MTAP: variants seen among roughly 807,000 people sequenced by gnomAD.
MTAP encodes the protein S-methyl-5'-thioadenosine phosphorylase.
In MTAP, 33 loss-of-function variants were observed where a neutral mutation model predicts 33.6. That is an observed-to-expected ratio of 0.98 (90% CI 0.74 to 1.31). The LOEUF is 1.31. Among genes scored for constraint, MTAP ranks in the 40% most tolerant of loss-of-function variants. The probability of loss-of-function intolerance (pLI) is 0.00; values close to 1 mark genes in which losing one functional copy is unlikely to be tolerated. For synonymous variants in MTAP, 148 were observed against 125.7 expected (o/e 1.18, Z -1.19); for missense variants, 367 against 360.0 (o/e 1.02, Z -0.16).
At chr9:21,809,223 A>C (rs1824283653) in intron 1 of MTAP, among the ~76,000 whole-genome samples, 1 of 151,968 alleles carries the variant, frequency 6.6e-6, no homozygotes, top group African/African-American at 2.4e-5. Flanking sequence ...TCCCCATCTC[A>C]AGATCCTGGA....
At chr9:21,850,911 C>G (rs781214183) in intron 5 of MTAP, among the ~76,000 whole-genome samples, 4 of 152,208 alleles carry the variant, frequency 2.6e-5, no homozygotes, top group African/African-American at 9.7e-5. Flanking sequence ...TCCTTGCCAC[C>G]TGGACACTTT....
At chr9:21,908,532 C>T (rs1313934198) in intron 1 of MTAP, among the ~76,000 whole-genome samples, 1 of 152,118 alleles carries the variant, frequency 6.6e-6, no homozygotes, top group East Asian at 1.9e-4. Flanking sequence ...CAAGCTCCAA[C>T]TTCATATCAT....
intron 1 of MTAP, among the ~76,000 whole-genome samples, chr9:21,913,438 C>G (rs1006293603): frequency 6.6e-6 from 1 of 152,180 alleles, no homozygotes; most frequent in Non-Finnish European, 1.5e-5. Flanking sequence ...GAGATATAGA[C>G]CAATGGAACA....
At chr9:21,920,606 G>A (rs1054719129) in intron 1 of MTAP, among the ~76,000 whole-genome samples, 2 of 152,060 alleles carry the variant, frequency 1.3e-5, no homozygotes, top group African/African-American at 4.8e-5. Context: ...GGGGCTATTG[G>A]GAAACAATTC....
intron 4 of MTAP, among the ~76,000 whole-genome samples, chr9:21,824,904 C>CGTGGG (rs1412590428): frequency 9.3e-4 from 141 of 152,296 alleles, no homozygotes; most frequent in African/African-American, 3.2e-3. Context: ...CCGAGCTATG[C>CGTGGG]ACGGGATATA....
At chr9:21,805,509 A>G (rs963923378) in intron 1 of MTAP, among the ~76,000 whole-genome samples, 2 of 151,966 alleles carry the variant, frequency 1.3e-5, no homozygotes, top group African/African-American at 4.8e-5. Context: ...GTCAGAAAAG[A>G]CTCCTAGGGA....
chr9:21,836,063 C>T (rs1002608906), intron 4 of MTAP, among the ~76,000 whole-genome samples: 10 of 152,158 alleles, frequency 6.6e-5, no homozygotes, highest in East Asian at 3.9e-4. Context: ...CATCTGGTGC[C>T]GACTCCAATT....
At chr9:21,816,883 C>G in intron 3 of MTAP, 111 bp downstream of exon 3, 2 of 863,470 alleles carry the variant, frequency 2.3e-6, no homozygotes, top group East Asian at 2.6e-5. Context: ...TTGGCAGAAT[C>G]AGAACATCTT....
chr9:21,803,161 G>A, intron 1 of MTAP: 1 of 410,842 alleles, frequency 2.4e-6, no homozygotes, highest in Non-Finnish European at 4.2e-6. Flanking sequence ...CTTCTTCCAA[G>A]AAAGACACCC....
intron 1 of MTAP, among the ~76,000 whole-genome samples, chr9:21,907,479 C>A (rs1189551446): frequency 3.9e-5 from 6 of 152,160 alleles, no homozygotes; most frequent in Non-Finnish European, 7.3e-5. Flanking sequence ...ATGGCTTGAG[C>A]CTGGGAGGCT....
intron 1 of MTAP, among the ~76,000 whole-genome samples, chr9:21,874,694 C>CT (rs10713371): frequency 1.1e-3 from 148 of 139,730 alleles, no homozygotes; most frequent in Middle Eastern, 3.9e-3. Context: ...AATCATTTTT[C>CT]TTTTTTTTTT....
chr9:21,897,809 C>A (rs1057482478), intron 1 of MTAP, among the ~76,000 whole-genome samples: 14 of 152,074 alleles, frequency 9.2e-5, no homozygotes, highest in Non-Finnish European at 1.8e-4. Context: ...ATACTGCCCA[C>A]AGTAATTTAT....
intron 4 of MTAP, among the ~76,000 whole-genome samples, chr9:21,826,311 C>A (rs1050369829): frequency 6.6e-6 from 1 of 151,600 alleles, no homozygotes; most frequent in African/African-American, 2.4e-5. Flanking sequence ...TAAGGGTCCA[C>A]TCATTACACA....
rs199920777 is a variant in MTAP at position 21,822,210 on chromosome 9, C to A, written c.347+4008C>A. 7.2e-5 allele frequency among the ~76,000 whole-genome samples: 11 copies of A among 152,022 alleles called. No homozygotes were observed. In the East Asian group the frequency reaches 1.4e-3, roughly 19 times the overall value. On this transcript the variant is annotated intron_variant, in intron 4 of 7. Transcript: ENST00000644715. The stretch of plus-strand genomic sequence containing the variant: ...TTGCTCTTGCTTCTCTAGTTCTTTT[C>A]ATTGTGATGTTAGGGTGTCAATTTT...
chr9:21,839,310 T>G (rs913555600), intron 5 of MTAP, among the ~76,000 whole-genome samples: 2 of 152,160 alleles, frequency 1.3e-5, no homozygotes, highest in South Asian at 2.1e-4. Context: ...CATAATAGAT[T>G]TGCTATCCTG....
chr9:21,844,724 G>A (rs1009876133), intron 5 of MTAP, among the ~76,000 whole-genome samples: 37 of 152,276 alleles, frequency 2.4e-4, no homozygotes, highest in African/African-American at 7.5e-4. Flanking sequence ...TAGAAGGGAC[G>A]TACCTCAAGG....
chr9:21,844,848 G>A (rs535795931), intron 5 of MTAP, among the ~76,000 whole-genome samples: 31 of 152,174 alleles, frequency 2.0e-4, no homozygotes, highest in South Asian at 1.0e-3. Flanking sequence ...TGGCTAACAC[G>A]GTGAAACCCC....
At chr9:21,912,904 C>G (rs908092483) in intron 1 of MTAP, among the ~76,000 whole-genome samples, 3 of 152,204 alleles carry the variant, frequency 2.0e-5, no homozygotes, top group Admixed American at 2.0e-4. Context: ...AGTCCAAAAT[C>G]TCGTTAAGCT....
rs891182247 is a variant in MTAP at position 21,866,235 on chromosome 9, TTTG to T, written c.*4224_*4226del. Reference sequence around the variant, plus strand: ...TTTGTTTATTAAAAAATTAGATTGTTTTGTTTTATTATTGAATAGTAAGAATTG... The same window carrying T: ...TTTGTTTATTAAAAAATTAGATTGTTTTTTATTATTGAATAGTAAGAATTG... On this transcript the variant is annotated 3_prime_UTR_variant, in exon 8 of 8. Coordinates refer to ENST00000644715, the MANE Select transcript of MTAP (RefSeq NM_002451.4). 3 of 152,198 alleles carry T rather than the reference TTTG, an allele frequency of 2.0e-5. No individual in the cohort carries two copies. The highest frequency in any genetic ancestry group is 2.0e-4 in the Admixed American group (3 of 15,280). 9.4% of individuals were successfully genotyped at this position (152,198 alleles called of 1,614,324 possible).
Sources: allele counts gnomAD v4.1 joint callset (sites outside exome capture counted in the v4.1 genomes callset), GRCh38; gene constraint gnomAD v4.1.1; transcripts MANE v1.5; gene names NCBI Gene and HGNC (gene_info 2026-07-23, HGNC 2026-07-21).